NEGR1: variants seen among roughly 807,000 people sequenced by gnomAD.
The protein encoded by NEGR1 is neuronal growth regulator 1.
In NEGR1, 10 loss-of-function variants were observed where a neutral mutation model predicts 40.9. That is an observed-to-expected ratio of 0.24 (90% confidence interval 0.15 to 0.42). The LOEUF (loss-of-function observed/expected upper bound fraction) is 0.42, where lower values mean the gene tolerates loss of function less well. Among genes scored for constraint, NEGR1 ranks in the 10% least tolerant of loss-of-function variants. The pLI, the probability that NEGR1 is intolerant of heterozygous loss-of-function variation, is 1.00. For synonymous variants in NEGR1, 185 were observed against 166.8 expected, an observed-to-expected ratio of 1.11 and a Z score of -0.84; for missense variants, 352 against 438.9, an observed-to-expected ratio of 0.80 and a Z score of 1.77.
At chr1:71,604,058 A>C (rs1196923579) in intron 5 of NEGR1, among the ~76,000 whole-genome samples, 1 of 152,196 alleles carries the variant, frequency 6.6e-6, no homozygotes, top group Admixed American at 6.5e-5. Context: ...TCAGAGATAC[A>C]TGGGAATGAA....
chr1:71,828,464 AG>A (rs1658721508), intron 2 of NEGR1, among the ~76,000 whole-genome samples: 1 of 151,916 alleles, frequency 6.6e-6, no homozygotes, highest in Non-Finnish European at 1.5e-5. Context: ...GTTGCTATAT[AG>A]GTTTTTGACC....
intron 2 of NEGR1, among the ~76,000 whole-genome samples, chr1:71,851,794 TTTA>T (rs1469432842): frequency 6.6e-6 from 1 of 152,130 alleles, no homozygotes. Flanking sequence ...AGTAAACAGT[TTTA>T]TTAAGATAGC....
intron 1 of NEGR1, among the ~76,000 whole-genome samples, chr1:71,977,428 G>A (rs1331942955): frequency 1.3e-5 from 2 of 152,142 alleles, no homozygotes; most frequent in East Asian, 3.9e-4. Flanking sequence ...AATAATTGAA[G>A]ATGCTATTTC....
intron 4 of NEGR1, among the ~76,000 whole-genome samples, chr1:71,644,244 C>G (rs1570144295): frequency 2.6e-5 from 4 of 151,890 alleles, no homozygotes; most frequent in African/African-American, 9.7e-5. Flanking sequence ...AGTTTTTCCC[C>G]AGGGTTAGAA....
rs572563014 is a variant in NEGR1, at chr1:71,420,300, G to C, written c.941-12730C>G. Among the ~76,000 whole-genome samples, 3 of 152,010 alleles carry C rather than the reference G, an allele frequency of 2.0e-5. No individual in the cohort carries two copies. The South Asian group carries it at 6.2e-4, about 32-fold the overall frequency. ...ATATATACATTTAAACATATAATTGGAAAATTGATCTTTGAGACTTACATA... is the reference window on the plus strand; with the variant it reads ...ATATATACATTTAAACATATAATTGCAAAATTGATCTTTGAGACTTACATA... On this transcript the variant is annotated intron_variant, in intron 6 of 6. Transcript: ENST00000357731.
At chr1:71,524,433 CAT>C (rs1363314453) in intron 6 of NEGR1, among the ~76,000 whole-genome samples, 2 of 150,136 alleles carry the variant, frequency 1.3e-5, no homozygotes, top group East Asian at 4.0e-4. Context: ...CAATGAAAAT[CAT>C]TACCTTTTTA....
chr1:72,213,167 T>A (rs72941257), intron 1 of NEGR1, among the ~76,000 whole-genome samples: 1 of 151,926 alleles, frequency 6.6e-6, no homozygotes, highest in East Asian at 1.9e-4. Flanking sequence ...AATTCTAAAG[T>A]TATTAATTTT....
intron 2 of NEGR1, among the ~76,000 whole-genome samples, chr1:71,870,076 C>T (rs1308593590): frequency 7.9e-5 from 12 of 151,940 alleles, no homozygotes; most frequent in Admixed American, 2.0e-4. Flanking sequence ...GACGGGGTTT[C>T]GCCGTGTTGG....
At chr1:71,725,423 A>G (rs1340124721) in intron 3 of NEGR1, among the ~76,000 whole-genome samples, 3 of 152,090 alleles carry the variant, frequency 2.0e-5, no homozygotes, top group Non-Finnish European at 4.4e-5. Flanking sequence ...TGCTGATAAG[A>G]GTTAAGGAAA....
rs1409479008 is a variant in NEGR1 at position 71,691,079 on chromosome 1, G to A, written c.667+6929C>T. Among the ~76,000 whole-genome samples, 3 of 152,030 alleles carry A rather than the reference G, an allele frequency of 2.0e-5. No individual in the cohort carries two copies. In the East Asian group the frequency reaches 5.8e-4, roughly 29 times the overall value. ...ATCCTCTTAACAAAGATAAGTGCAT[G>A]GGAGAATACACTTCAGTTAAACTGG... On this transcript the variant is annotated intron_variant, in intron 4 of 6. Coordinates refer to ENST00000357731, the MANE Select transcript of NEGR1 (RefSeq NM_173808.3).
At chr1:71,780,811 TGTTA>T (rs1043921840) in intron 2 of NEGR1, among the ~76,000 whole-genome samples, 1 of 152,230 alleles carries the variant, frequency 6.6e-6, no homozygotes, top group African/African-American at 2.4e-5. Flanking sequence ...ATATGTCTCT[TGTTA>T]GTTTCACTTT....
chr1:72,068,692 C>T (rs1370282401), intron 1 of NEGR1, among the ~76,000 whole-genome samples: 1 of 152,076 alleles, frequency 6.6e-6, no homozygotes, highest in African/African-American at 2.4e-5. Context: ...GTTATATAAT[C>T]AGAACTGATT....
chr1:71,668,955 T>C (rs1652328225), intron 4 of NEGR1, among the ~76,000 whole-genome samples: 1 of 152,166 alleles, frequency 6.6e-6, no homozygotes, highest in African/African-American at 2.4e-5. Context: ...GTTTGCTTGT[T>C]ATATCATTTA....
intron 6 of NEGR1, among the ~76,000 whole-genome samples, chr1:71,492,809 C>T (rs559899957): frequency 6.6e-6 from 1 of 152,116 alleles, no homozygotes; most frequent in East Asian, 1.9e-4. Flanking sequence ...TGATAAGTGC[C>T]GTAACAAAAA....
At chr1:71,959,915 AAGAG>A (rs1646150489) in intron 1 of NEGR1, among the ~76,000 whole-genome samples, 1 of 152,176 alleles carries the variant, frequency 6.6e-6, no homozygotes, top group Admixed American at 6.6e-5. Context: ...CGGCATTATC[AAGAG>A]AGAAATATTC....
chr1:72,238,855 T>C (rs1054144091), intron 1 of NEGR1, among the ~76,000 whole-genome samples: 2 of 151,852 alleles, frequency 1.3e-5, no homozygotes, highest in East Asian at 1.9e-4. Flanking sequence ...AGTACCAAAA[T>C]TGGACAATAT....
chr1:71,775,127 T>C (rs1656456632), intron 3 of NEGR1, among the ~76,000 whole-genome samples: 1 of 152,196 alleles, frequency 6.6e-6, no homozygotes, highest in African/African-American at 2.4e-5. Context: ...TATTCTCCCC[T>C]GATTACTTTA....
intron 1 of NEGR1, among the ~76,000 whole-genome samples, chr1:72,163,008 T>TA (rs982354854): frequency 6.6e-6 from 1 of 152,024 alleles, no homozygotes; most frequent in Non-Finnish European, 1.5e-5. Flanking sequence ...TGCTGGTGTT[T>TA]AAAAAAATAG....
At chr1:71,822,147 T>G (rs572640012) in intron 2 of NEGR1, among the ~76,000 whole-genome samples, 42 of 152,064 alleles carry the variant, frequency 2.8e-4, no homozygotes, top group African/African-American at 9.4e-4. Flanking sequence ...GCAGTGCAAC[T>G]GGTCTTCTAC....
Sources: gnomAD v4.1 joint callset for allele counts (sites outside exome capture counted in the v4.1 genomes callset) on GRCh38, gnomAD v4.1.1 for gene constraint, MANE v1.5 for transcripts, NCBI Gene and HGNC (gene_info 2026-07-23, HGNC 2026-07-21) for gene names.